The following CACNB2 variants were observed in gnomAD, a reference collection of about 807,000 sequenced individuals.
CACNB2 encodes voltage-dependent L-type calcium channel subunit beta-2.
Under a neutral mutation model 73.3 loss-of-function variants are expected in CACNB2, and 42 were observed. The ratio of observed to expected loss-of-function variants is 0.57; its 90% CI spans 0.45 to 0.74. The LOEUF (loss-of-function observed/expected upper bound fraction) is 0.74. Among genes scored for constraint, CACNB2 ranks in the 30% least tolerant of loss-of-function variants. The pLI is 0.00. For synonymous variants in CACNB2, 348 were observed against 310.3 expected (o/e 1.12, Z -1.28); for missense variants, 940 against 853.0 (o/e 1.10, Z -1.27).
At chr10:18,338,697 C>A (rs535680266) in intron 2 of CACNB2, among the ~76,000 whole-genome samples, 1 of 145,702 alleles carries the variant, frequency 6.9e-6, no homozygotes, top group Non-Finnish European at 1.5e-5. Flanking sequence ...TTCCTTCCTT[C>A]CTTCCTGACT....
chr10:18,192,561 G>A (rs2034450444), intron 2 of CACNB2, among the ~76,000 whole-genome samples: 2 of 152,106 alleles, frequency 1.3e-5, no homozygotes, highest in Admixed American at 6.6e-5. Flanking sequence ...ACGATGTTGT[G>A]TAACTACTCT....
At chr10:18,529,104 T>C (rs2052748672) in intron 10 of CACNB2, among the ~76,000 whole-genome samples, 1 of 152,222 alleles carries the variant, frequency 6.6e-6, no homozygotes, top group Non-Finnish European at 1.5e-5. Flanking sequence ...GCCAGGACTA[T>C]AGGTATGAGC....
chr10:18,146,025 A>T (rs2030936711), intron 1 of CACNB2, among the ~76,000 whole-genome samples: 1 of 151,780 alleles, frequency 6.6e-6, no homozygotes, highest in African/African-American at 2.4e-5. Flanking sequence ...CTATTTATGC[A>T]GGCTCCTTGT....
In CACNB2 at chr10:18,273,105, C is replaced by T. The variant is rs754017176; in HGVS notation, c.213+122130C>T. On this transcript the variant is annotated intron_variant, in intron 2 of 13. Coordinates refer to ENST00000324631, the MANE Select transcript of CACNB2 (RefSeq NM_201596.3). The stretch of plus-strand genomic sequence containing the variant: ...AGGAAAGCTGAAGGTTGGATCAGGG[C>T]TGCTCTGAGAATTTCAGTATTGGGA... Among the ~76,000 whole-genome samples, 3 of 152,292 alleles carry T rather than the reference C, an allele frequency of 2.0e-5. No homozygotes were observed. In the East Asian group the frequency reaches 5.8e-4, roughly 29 times the overall value.
intron 2 of CACNB2, among the ~76,000 whole-genome samples, chr10:18,332,802 A>G (rs998962279): frequency 6.6e-6 from 1 of 152,226 alleles, no homozygotes; most frequent in Non-Finnish European, 1.5e-5. Flanking sequence ...AATTAGTTAG[A>G]TTCATTTAAC....
intron 2 of CACNB2, among the ~76,000 whole-genome samples, chr10:18,195,584 C>G (rs144994813): frequency 9.4e-4 from 143 of 152,318 alleles, no homozygotes; most frequent in African/African-American, 3.3e-3. Flanking sequence ...TCCTGGCTCT[C>G]GGCCAGAGAG....
At chr10:18,244,412 T>A (rs959559922) in intron 2 of CACNB2, among the ~76,000 whole-genome samples, 1 of 152,204 alleles carries the variant, frequency 6.6e-6, no homozygotes, top group Non-Finnish European at 1.5e-5. Context: ...ATTATGGGGA[T>A]CCCTAAAGGA....
chr10:18,476,921 G>A (rs956399063), intron 3 of CACNB2, among the ~76,000 whole-genome samples: 1 of 151,978 alleles, frequency 6.6e-6, no homozygotes, highest in Non-Finnish European at 1.5e-5. Context: ...TCAGGAGGCT[G>A]AGACAGGAGA....
At chr10:18,223,575 C>T (rs2035875175) in intron 2 of CACNB2, among the ~76,000 whole-genome samples, 1 of 152,000 alleles carries the variant, frequency 6.6e-6, no homozygotes, top group Admixed American at 6.6e-5. Context: ...ACAGAATGCT[C>T]CTATGTTCCC....
rs1339855749 is a variant in CACNB2, at chr10:18,539,395, C to A, written c.1654C>A (p.Gln552Lys). Residue 552 changes from glutamine (Q) to lysine (K), a missense_variant, in exon 14 of 14, where the codon CAA becomes AAA. Transcript: ENST00000324631. Reference sequence around the variant, plus strand: ...TGGGACAAGTCGCGGCCTCTCCAGGCAAGAGACATTTGACTCGGAAACCCA... The same window carrying A: ...TGGGACAAGTCGCGGCCTCTCCAGGAAAGAGACATTTGACTCGGAAACCCA... ...RSGTSRGLSRQETFDSETQES... is the reference protein window; with the variant it reads ...RSGTSRGLSRKETFDSETQES... The A allele has an allele frequency of 1.9e-6, 3 of 1,613,986 alleles. No individual in the cohort carries two copies. In the African/African-American group the frequency reaches 4.0e-5, roughly 22 times the overall value.
chr10:18,345,362 T>C lies in CACNB2; in HGVS notation c.214-56562T>C, dbSNP rs111233313. Among the ~76,000 whole-genome samples the C allele has an allele frequency of 3.1e-3, 475 of 152,372 alleles. 4 individuals are homozygous for C. The highest frequency in any genetic ancestry group is 0.011 in the African/African-American group (440 of 41,582). On this transcript the variant is annotated intron_variant, in intron 2 of 13. Transcript: ENST00000324631. ...TGATTGCTTTTCATGTAAATAGTTA[T>C]ACAGCATTGTTTTAATTTCTGTTTA...
intron 2 of CACNB2, among the ~76,000 whole-genome samples, chr10:18,249,289 C>A (rs1293246041): frequency 6.6e-6 from 1 of 152,214 alleles, no homozygotes; most frequent in Non-Finnish European, 1.5e-5. Context: ...GGGGTTCCAG[C>A]CCCTTGGCCC....
chr10:18,178,387 A>G (rs571054022), intron 2 of CACNB2, among the ~76,000 whole-genome samples: 2 of 152,336 alleles, frequency 1.3e-5, no homozygotes, highest in South Asian at 4.1e-4. Context: ...CTCATTCAAG[A>G]AATGTTGATT....
At chr10:18,435,223 G>A (rs1238062981) in intron 3 of CACNB2, among the ~76,000 whole-genome samples, 4 of 152,152 alleles carry the variant, frequency 2.6e-5, no homozygotes, top group African/African-American at 4.8e-5. Context: ...AATATCATCC[G>A]TAGGAATTCA....
At chr10:18,257,727 C>G (rs1373124457) in intron 2 of CACNB2, among the ~76,000 whole-genome samples, 1 of 152,086 alleles carries the variant, frequency 6.6e-6, no homozygotes, top group Non-Finnish European at 1.5e-5. Context: ...GTTCCCATTG[C>G]TCTGAAACAC....
rs75142769 is a variant in CACNB2 at position 18,155,635 on chromosome 10, T to A, written c.213+4660T>A. 2.0e-5 allele frequency among the ~76,000 whole-genome samples: 3 copies of A among 152,248 alleles called. No homozygotes were observed. The East Asian group carries it at 5.8e-4, about 29-fold the overall frequency. ...AGCTAAAGTAAACATCATGAAACAGTTTTCCAAGATGGTTGTACCAGTTTG... is the reference window on the plus strand; with the variant it reads ...AGCTAAAGTAAACATCATGAAACAGATTTCCAAGATGGTTGTACCAGTTTG... On this transcript the variant is annotated intron_variant, in intron 2 of 13. Transcript: ENST00000324631.
At chr10:18,403,547 G>T (rs1467070267) in intron 3 of CACNB2, among the ~76,000 whole-genome samples, 27 of 152,162 alleles carry the variant, frequency 1.8e-4, no homozygotes, top group Admixed American at 1.8e-3. Flanking sequence ...CAGCCCAATA[G>T]ACTGTAGGTT....
At chr10:18,459,921 C>A (rs117586854) in intron 3 of CACNB2, among the ~76,000 whole-genome samples, 1 of 152,036 alleles carries the variant, frequency 6.6e-6, no homozygotes, top group Non-Finnish European at 1.5e-5. Flanking sequence ...TTACTTGAAC[C>A]CAGGAGGCCG....
chr10:18,399,419 A>T (rs75133047), intron 2 of CACNB2, among the ~76,000 whole-genome samples: 1 of 152,190 alleles, frequency 6.6e-6, no homozygotes, highest in Admixed American at 6.5e-5. Flanking sequence ...AGATACCACA[A>T]TTGAGGTACA....
Sources: allele counts gnomAD v4.1 joint callset (sites outside exome capture counted in the v4.1 genomes callset), GRCh38; gene constraint gnomAD v4.1.1; transcripts MANE v1.5; gene names NCBI Gene and HGNC (gene_info 2026-07-23, HGNC 2026-07-21).